Variants in DOCK9 observed in about 807,000 individuals in gnomAD.
The protein encoded by DOCK9 is dedicator of cytokinesis protein 9.
In DOCK9, 89 loss-of-function variants were observed where a neutral mutation model predicts 263.3. That is an observed-to-expected ratio of 0.34 (90% CI 0.28 to 0.40). The LOEUF (loss-of-function observed/expected upper bound fraction) is 0.40. Ranked by LOEUF, DOCK9 falls within the 10% of genes least tolerant of loss-of-function variation. The pLI is 1.00. For missense variants in DOCK9, 2,140 were observed against 2,603.4 expected, an observed-to-expected ratio of 0.82 and a Z score of 3.87; for synonymous variants, 976 against 973.1, an observed-to-expected ratio of 1.00 and a Z score of -0.06.
Position 99,075,037 on chromosome 13 carries a change from T to C in DOCK9, c.129+11186A>G, listed in dbSNP as rs76864374. Among the ~76,000 whole-genome samples the C allele has an allele frequency of 7.1e-3, 1,079 of 152,356 alleles. 12 individuals are homozygous for C. The highest frequency in any genetic ancestry group is 0.025 in the African/African-American group (1,042 of 41,572). ...TGATTTAATGTTGCATCTTTACATTTGTTTCTCTGGACTGTAAATGGCACC... is the reference window on the plus strand; with the variant it reads ...TGATTTAATGTTGCATCTTTACATTCGTTTCTCTGGACTGTAAATGGCACC... On this transcript the variant is annotated intron_variant, in intron 1 of 32. Transcript: ENST00000427887.
chr13:98,876,040 T>C (rs908417378), intron 27 of DOCK9, among the ~76,000 whole-genome samples: 6 of 152,170 alleles, frequency 3.9e-5, no homozygotes, highest in African/African-American at 1.4e-4. Flanking sequence ...ATGACATAAA[T>C]TGTACACTGA....
chr13:98,927,496 G>A (rs2053166823), intron 3 of DOCK9, among the ~76,000 whole-genome samples: 1 of 152,124 alleles, frequency 6.6e-6, no homozygotes, highest in African/African-American at 2.4e-5. Flanking sequence ...GTACCACCAA[G>A]TCTCCTGCAG....
intron 1 of DOCK9, among the ~76,000 whole-genome samples, chr13:99,078,611 T>C (rs1222094199): frequency 2.6e-5 from 4 of 152,122 alleles, no homozygotes; most frequent in Non-Finnish European, 2.9e-5. Context: ...GGCCAGGGAA[T>C]AGCCAAGGGC....
intron 1 of DOCK9, among the ~76,000 whole-genome samples, chr13:98,971,011 A>T (rs1319473816): frequency 1.3e-5 from 2 of 152,158 alleles, no homozygotes; most frequent in Non-Finnish European, 1.5e-5. Context: ...AAAGCTTAAA[A>T]CCTGAAACTA....
rs375839985 is a variant in DOCK9 at position 98,862,069 on chromosome 13, G to A, written c.3579+950C>T. 1.4e-3 allele frequency among the ~76,000 whole-genome samples: 212 copies of A among 152,228 alleles called. 6 individuals are homozygous for A. In the South Asian group the frequency reaches 0.042, roughly 30 times the overall value. On this transcript the variant is annotated intron_variant, in intron 32 of 52. Coordinates refer to ENST00000682017, the MANE Select transcript of DOCK9 (RefSeq NM_001366683.2). ...CTCCTTCCCCCCATAAATTTTTAGT[G>A]AATATACAAATGAAAATTCTGAGGC... is the stretch of plus-strand genomic sequence containing the variant.
chr13:98,875,616 T>C (rs2043703854), intron 27 of DOCK9, among the ~76,000 whole-genome samples: 1 of 152,142 alleles, frequency 6.6e-6, no homozygotes, highest in East Asian at 1.9e-4. Flanking sequence ...TAAATATACA[T>C]GGTGGAAAAG....
chr13:98,826,956 A>G, intron 43 of DOCK9, 69 bp from the exon 44 acceptor site: 1 of 1,220,250 alleles, frequency 8.2e-7, no homozygotes, highest in East Asian at 2.4e-5. Flanking sequence ...CCACACAGAC[A>G]GAAATCTAAT....
intron 1 of DOCK9, among the ~76,000 whole-genome samples, chr13:99,033,315 G>T (rs1202333502): frequency 6.6e-6 from 1 of 152,212 alleles, no homozygotes; most frequent in East Asian, 1.9e-4. Flanking sequence ...GGGCTGCTCT[G>T]GAAGGATCAA....
intron 39 of DOCK9, among the ~76,000 whole-genome samples, chr13:98,836,037 C>T (rs546442542): frequency 2.5e-4 from 38 of 152,216 alleles, no homozygotes; most frequent in Non-Finnish European, 4.7e-4. Flanking sequence ...CACCAGGCCC[C>T]TCTTCTTTAC....
In DOCK9 at chr13:98,853,501, C is replaced by G; in HGVS notation, c.3853G>C (p.Gly1285Arg). 1.2e-6 allele frequency: 2 copies of G among 1,613,434 alleles called. No homozygotes were observed. Among genetic ancestry groups the G allele is most frequent in the South Asian group, 1.1e-5 (1 of 90,954 alleles). The change falls in exon 35 of 53, where the codon GGA becomes CGA. Residue 1285 changes from glycine to arginine, a missense_variant. By Grantham distance (125) the Gly-to-Arg change is moderately radical (BLOSUM62 -2). This residue lies in a region of DOCK9 where 1,521 missense variants were observed against 1,741.7 expected (regional missense o/e 0.87). Coordinates refer to ENST00000682017, the MANE Select transcript of DOCK9 (RefSeq NM_001366683.2). ...TTATCACAGCGAACCACGGAATTTC[C>G]CAATGTGCTACTTTGTTGGTGCTAA... ...LDKHQQSSTLGNSVVRCDKLD... is the reference protein window; with the variant it reads ...LDKHQQSSTLRNSVVRCDKLD...
At chr13:98,916,736 C>T (rs1595287025) in intron 7 of DOCK9, among the ~76,000 whole-genome samples, 2 of 152,138 alleles carry the variant, frequency 1.3e-5, no homozygotes, top group East Asian at 3.8e-4. Flanking sequence ...CTCCTCCTTT[C>T]CCTGCATACT....
intron 1 of DOCK9, among the ~76,000 whole-genome samples, chr13:98,984,295 A>T (rs1278791217): frequency 7.2e-5 from 11 of 152,206 alleles, no homozygotes; most frequent in Non-Finnish European, 1.0e-4. Flanking sequence ...TGAGGTAAAC[A>T]AACAACCAGT....
intron 9 of DOCK9, among the ~76,000 whole-genome samples, chr13:98,908,071 T>C (rs796148829): frequency 1.6e-4 from 25 of 152,294 alleles, no homozygotes; most frequent in African/African-American, 6.0e-4. Flanking sequence ...TAACTCAGGT[T>C]GCCTGGCTTC....
At chr13:98,974,149 C>T (rs931814685) in intron 1 of DOCK9, among the ~76,000 whole-genome samples, 4 of 151,730 alleles carry the variant, frequency 2.6e-5, no homozygotes, top group East Asian at 1.9e-4. Context: ...CCAGGAATTA[C>T]GTTAGAGTTT....
chr13:99,054,856 T>G (rs1329476298), intron 1 of DOCK9, among the ~76,000 whole-genome samples: 1 of 152,172 alleles, frequency 6.6e-6, no homozygotes, highest in Non-Finnish European at 1.5e-5. Flanking sequence ...CGAGAAAAAT[T>G]TTAAATGAAT....
Position 98,888,555 on chromosome 13 carries a change from G to C in DOCK9, c.1790-8C>G, listed in dbSNP as rs762991043. ...ATGATGAATTAACATAATCTGCAAA[G>C]ATATTCAAAATAACTCAAACTGAAG... On this transcript the variant is annotated splice_region_variant and splice_polypyrimidine_tract_variant and intron_variant, in intron 16 of 52. Transcript: ENST00000682017. 1 of 1,613,208 alleles carries C rather than the reference G, an allele frequency of 6.2e-7. No individual in the cohort carries two copies. Among genetic ancestry groups the C allele is most frequent in the African/African-American group, 1.3e-5 (1 of 74,904 alleles).
At chr13:99,051,794 A>T (rs1358130099) in intron 1 of DOCK9, among the ~76,000 whole-genome samples, 2 of 151,052 alleles carry the variant, frequency 1.3e-5, no homozygotes, top group East Asian at 2.0e-4. Flanking sequence ...CACCCTATCA[A>T]AATTCAACCA....
At chr13:98,897,704 T>TA in intron 14 of DOCK9, 94 bp from the exon 15 acceptor site, 3 of 1,508,816 alleles carry the variant, frequency 2.0e-6, no homozygotes, top group Non-Finnish European at 2.7e-6. Context: ...GTCTAATTAT[T>TA]ATTCCATTGG....
At chr13:98,917,115 C>T (rs1450224989) in intron 7 of DOCK9, among the ~76,000 whole-genome samples, 1 of 152,148 alleles carries the variant, frequency 6.6e-6, no homozygotes. Flanking sequence ...AAGAGACTTC[C>T]ATTGAAGTCA....
Sources: gnomAD v4.1 joint callset for allele counts (sites outside exome capture counted in the v4.1 genomes callset) on GRCh38, gnomAD v4.1.1 for gene constraint, gnomAD v4.1.1 regional missense constraint, MANE v1.5 for transcripts, NCBI Gene and HGNC (gene_info 2026-07-23, HGNC 2026-07-21) for gene names.